Variants in FMNL1 observed in about 807,000 individuals in gnomAD.
FMNL1 encodes formin-like protein 1.
Under a neutral mutation model 121.3 loss-of-function variants are expected in FMNL1, and 43 were observed. The ratio of observed to expected loss-of-function variants is 0.35; its 90% confidence interval spans 0.28 to 0.46. FMNL1 has a LOEUF of 0.46. Among genes scored for constraint, FMNL1 ranks in the 20% least tolerant of loss-of-function variants. The pLI is 1.00. For missense variants in FMNL1, 1,191 were observed against 1,482.4 expected (o/e 0.80, Z 3.23); for synonymous variants, 613 against 613.5 (o/e 1.00, Z 0.01).
intron 19 of FMNL1, 135 bp from the exon 20 acceptor site, chr17:45,244,684 G>T (rs1598212247): frequency 1.2e-6 from 1 of 852,386 alleles, no homozygotes; most frequent in East Asian, 2.4e-5. Flanking sequence ...GGATCTGAGG[G>T]GCCTGTGCAG....
In FMNL1 at chr17:45,233,219, C is replaced by T; in HGVS notation, c.328-5C>T. On this transcript the variant is annotated splice_region_variant and splice_polypyrimidine_tract_variant and intron_variant, in intron 3 of 26. Coordinates refer to ENST00000331495, the MANE Select transcript of FMNL1 (RefSeq NM_005892.4). This position sits in a 1 kb window ranked among gnomAD's most constrained non-coding sequence, Gnocchi z 4.1. ...CCACCAGCCTTCCCTGTTCTCGGTC[C>T]CCAGTTTAAGAGGCGAGTTCAGGAG... 1 of 1,554,776 alleles carries T rather than the reference C, an allele frequency of 6.4e-7. No individual in the cohort carries two copies. The highest frequency in any genetic ancestry group is 8.7e-7 in the Non-Finnish European group (1 of 1,148,932).
At chr17:45,240,708 T>G (rs2043669077) in intron 12 of FMNL1, 83 bp downstream of exon 12, 1 of 1,508,288 alleles carries the variant, frequency 6.6e-7, no homozygotes, top group Non-Finnish European at 8.9e-7. Context: ...GCATGGGCAC[T>G]GGGCAGCAGA....
intron 1 of FMNL1, 97 bp downstream of exon 1, chr17:45,222,350 C>G (rs1392196473): frequency 7.9e-6 from 8 of 1,011,294 alleles, no homozygotes; most frequent in Non-Finnish European, 9.7e-6. Flanking sequence ...ACTCAGGTGC[C>G]GCTTGGAGAT....
rs760541784 is a variant in FMNL1 at position 45,236,251 on chromosome 17, C to T, written c.723+7C>T. 17 of 1,612,334 alleles carry T rather than the reference C, an allele frequency of 1.1e-5. No individual in the cohort carries two copies. The highest frequency in any genetic ancestry group is 5.0e-5 in the Admixed American group (3 of 59,910). On this transcript the variant is annotated splice_region_variant and intron_variant, in intron 7 of 26. Transcript: ENST00000331495. ...CGCCATCATGAACTACCAGGTCAGC[C>T]GAGGGGCATGGGACTGGCGACTAGG...
chr17:45,232,338 T>A, intron 2 of FMNL1, 29 bp from the exon 3 acceptor site: 2 of 1,608,470 alleles, frequency 1.2e-6, no homozygotes, highest in Non-Finnish European at 1.7e-6. Flanking sequence ...TCTGGCTGGT[T>A]TTCTGTACAC....
intron 15 of FMNL1, 36 bp downstream of exon 15, chr17:45,242,182 G>A (rs1457727133): frequency 2.8e-5 from 43 of 1,529,984 alleles, no homozygotes; most frequent in Non-Finnish European, 3.8e-5. Context: ...CCGGGGCTGG[G>A]GGGAGATGGA....
intron 1 of FMNL1, among the ~76,000 whole-genome samples, chr17:45,222,830 A>G (rs1394376272): frequency 6.6e-6 from 1 of 152,028 alleles, no homozygotes; most frequent in African/African-American, 2.4e-5. Context: ...CATCCTTTCC[A>G]AGCCACTGAA....
Position 45,232,445 on chromosome 17 carries a change from C to T in FMNL1, c.292C>T (p.Arg98Ter). The change falls in exon 3 of 27, where the codon CGA (arginine) becomes TGA (stop). Residue 98 changes from arginine to a stop codon, truncating the protein, a stop_gained. Transcript: ENST00000331495. LOFTEE classifies it high-confidence loss of function. ...KSYVDTGGVS[R>*]KVAADWMSNL... ...CTATGTGGATACTGGTGGGGTCAGC[C>T]GAAAGGTAGCAGCTGATTGGATGTC... is the stretch of plus-strand genomic sequence containing the variant. The T allele has an allele frequency of 2.5e-6, 4 of 1,614,042 alleles. No individual in the cohort carries two copies. Among genetic ancestry groups the T allele is most frequent in the Non-Finnish European group, 3.4e-6 (4 of 1,179,970 alleles).
intron 2 of FMNL1, among the ~76,000 whole-genome samples, chr17:45,232,049 C>T (rs2043449926): frequency 6.6e-6 from 1 of 152,140 alleles, no homozygotes; most frequent in Admixed American, 6.5e-5. Context: ...TGGTGCACAC[C>T]CGTAGTCCCA....
At position 45,241,887 on chromosome 17, in the gene FMNL1, A is replaced by ACCGCCG. The variant is rs1287683542; in HGVS notation, c.1632_1637dup (p.Pro546_Pro547dup). On this transcript the variant is annotated inframe_insertion, in exon 15 of 27. Transcript: ENST00000331495. This position sits in a 1 kb window ranked among gnomAD's most constrained non-coding sequence, Gnocchi z 7.0. ...CAGAGCCGGCTCCCGGAGCAGCGCC[A>ACCGCCG]CCGCCGCCGCCCCCACTGCCCGGCC... The ACCGCCG allele has an allele frequency of 7.0e-7, 1 of 1,418,912 alleles. No individual in the cohort carries two copies. Among genetic ancestry groups the ACCGCCG allele is most frequent in the Non-Finnish European group, 9.1e-7 (1 of 1,094,138 alleles). The allele number at this position is 1,418,912 out of a possible 1,614,324, so 87.9% of individuals were successfully genotyped here. A position where few individuals can be genotyped will look rare whatever the true frequency, so the allele number is the denominator to read the frequency against.
rs2043488521 is a variant in FMNL1, at chr17:45,233,703, T to C, written c.457T>C (p.Tyr153His). The C allele has an allele frequency of 6.2e-7, 1 of 1,613,880 alleles. No individual in the cohort carries two copies. The highest frequency in any genetic ancestry group is 8.5e-7 in the Non-Finnish European group (1 of 1,179,974). ...CCGTGGCCTGGATGTGCTGCTCGAG[T>C]ACCTGGCCTTTGCCCAGTGCTCTGT... ...ENRGLDVLLE[Y>H]LAFAQCSVTY... is the part of the protein sequence containing the mutation. The change falls in exon 5 of 27, where the codon TAC (tyrosine) becomes CAC (histidine). Residue 153 changes from tyrosine (Y) to histidine (H), a missense_variant. Transcript: ENST00000331495. The surrounding 1 kb of genome is among the most constrained non-coding windows in gnomAD (Gnocchi z 4.1).
At chr17:45,222,398 C>G in intron 1 of FMNL1, 145 bp downstream of exon 1, 2 of 623,338 alleles carry the variant, frequency 3.2e-6, no homozygotes, top group Non-Finnish European at 4.3e-6. Flanking sequence ...GAGGTGGGAG[C>G]GACAGTGGCC....
At chr17:45,243,436 C>A in intron 17 of FMNL1, 116 bp downstream of exon 17, 6 of 1,222,780 alleles carry the variant, frequency 4.9e-6, no homozygotes, top group Non-Finnish European at 5.6e-6. Flanking sequence ...GGCTTCATAC[C>A]AACCCTGGTC....
In FMNL1 at chr17:45,245,981, A is replaced by G. The variant is rs749165463; in HGVS notation, c.3090+8A>G. On this transcript the variant is annotated splice_region_variant and intron_variant, in intron 24 of 26. Coordinates refer to ENST00000331495, the MANE Select transcript of FMNL1 (RefSeq NM_005892.4). ...GAGCCCCCAGCACCCAAGGTAGGCAACTGCTCCTGGGCTTGGTACTGGGCT... is the reference window on the plus strand; with the variant it reads ...GAGCCCCCAGCACCCAAGGTAGGCAGCTGCTCCTGGGCTTGGTACTGGGCT... The G allele has an allele frequency of 2.4e-5, 37 of 1,547,506 alleles. 1 individual carries two copies. In the African/African-American group the frequency reaches 2.5e-4, roughly 10 times the overall value.
chr17:45,221,897 C>T lies in FMNL1; in HGVS notation c.-228C>T, dbSNP rs2043232819. 3.0e-6 allele frequency: 1 copy of T among 333,896 alleles called. No homozygotes were observed. Among genetic ancestry groups the T allele is most frequent in the East Asian group, 4.5e-5 (1 of 22,206 alleles). The allele number at this position is 333,896 out of a possible 1,614,324, so 20.7% of individuals were successfully genotyped here. On this transcript the variant is annotated 5_prime_UTR_variant, in exon 1 of 27. Transcript: ENST00000331495. ...CGGCCTGCAGCCTGACTTCCTCCCCCAACCCTGCAGCTCGCCGCCCGGTCC... is the reference window on the plus strand; with the variant it reads ...CGGCCTGCAGCCTGACTTCCTCCCCTAACCCTGCAGCTCGCCGCCCGGTCC...
chr17:45,243,974 C>T lies in FMNL1; in HGVS notation c.2397C>T (p.Thr799=), dbSNP rs1015809631. The T allele has an allele frequency of 1.2e-6, 2 of 1,612,786 alleles. No individual in the cohort carries two copies. The highest frequency in any genetic ancestry group is 1.7e-6 in the Non-Finnish European group (2 of 1,179,896). The part of the protein sequence containing the change: ...SRIPRLPERM[T]TLTFLGNFPD... ...TCCCGCGCCTGCCGGAGCGCATGAC[C>T]ACACTCACCTTCCTGGGCAACTTCC... Residue 799 remains threonine, a synonymous_variant, in exon 18 of 27, where the codon ACC becomes ACT. Coordinates refer to ENST00000331495, the MANE Select transcript of FMNL1 (RefSeq NM_005892.4).
Position 45,241,250 on chromosome 17 carries a change from T to C in FMNL1, c.1332+20T>C. 1.2e-6 allele frequency: 2 copies of C among 1,613,642 alleles called. No individual in the cohort carries two copies. Among genetic ancestry groups the C allele is most frequent in the East Asian group, 2.2e-5 (1 of 44,860 alleles). ...CTGCGGGTGAGGCTGGGGCGGGTGG[T>C]AGGCCAGGCGCCCAAGAACAGGCCA... On this transcript the variant is annotated intron_variant, in intron 13 of 26. Transcript: ENST00000331495. The surrounding 1 kb of genome is among the most constrained non-coding windows in gnomAD (Gnocchi z 7.0).
At position 45,233,846 on chromosome 17, in the gene FMNL1, G is replaced by C; in HGVS notation, c.485+115G>C. The stretch of plus-strand genomic sequence containing the variant: ...AGCCAGGCAGCCCGAGCCTACCCTG[G>C]AACCCTCCACTTGGCCTTGAGCGAT... On this transcript the variant is annotated intron_variant, in intron 5 of 26. Coordinates refer to ENST00000331495, the MANE Select transcript of FMNL1 (RefSeq NM_005892.4). This position sits in a 1 kb window ranked among gnomAD's most constrained non-coding sequence, Gnocchi z 4.1. 1 of 1,432,678 alleles carries C rather than the reference G, an allele frequency of 7.0e-7. No individual in the cohort carries two copies. The highest frequency in any genetic ancestry group is 9.5e-7 in the Non-Finnish European group (1 of 1,056,640). The allele number at this position is 1,432,678 out of a possible 1,614,324, so 88.7% of individuals were successfully genotyped here.
At position 45,233,966 on chromosome 17, in the gene FMNL1, G is replaced by C; in HGVS notation, c.486-106G>C. On this transcript the variant is annotated intron_variant, in intron 5 of 26. Transcript: ENST00000331495. The surrounding 1 kb of genome is among the most constrained non-coding windows in gnomAD (Gnocchi z 4.1). ...GCCAAGAACACAGCCTCCTCCTCCT[G>C]CTCCTTAGTCTCACCTGCAGGTCTG... The C allele has an allele frequency of 6.8e-7, 1 of 1,480,030 alleles. No individual in the cohort carries two copies. The highest frequency in any genetic ancestry group is 1.4e-5 in the African/African-American group (1 of 71,412). 91.7% of individuals were successfully genotyped at this position (1,480,030 alleles called of 1,614,324 possible).
Sources: gnomAD v4.1 joint callset for allele counts (sites outside exome capture counted in the v4.1 genomes callset) on GRCh38, gnomAD v4.1.1 for gene constraint, Gnocchi (gnomAD v3.1) non-coding constraint, MANE v1.5 for transcripts, NCBI Gene and HGNC (gene_info 2026-07-23, HGNC 2026-07-21) for gene names.